USP40: variants seen among roughly 807,000 people sequenced by gnomAD.
USP40 encodes the protein ubiquitin carboxyl-terminal hydrolase 40.
In USP40, 143 loss-of-function variants were observed where a neutral mutation model predicts 166.2. The observed-to-expected ratio is 0.86, with a 90% CI of 0.75 to 0.99. USP40 has a LOEUF of 0.99. USP40 is among the 50% of genes least tolerant of loss of function. USP40 has a pLI of 0.00. For missense variants in USP40, 1,444 were observed against 1,479.7 expected, an observed-to-expected ratio of 0.98 and a Z score of 0.40; for synonymous variants, 498 against 524.0, an observed-to-expected ratio of 0.95 and a Z score of 0.68.
intron 21 of USP40, among the ~76,000 whole-genome samples, chr2:233,506,832 G>C (rs1367327155): frequency 6.6e-6 from 1 of 151,424 alleles, no homozygotes; most frequent in Non-Finnish European, 1.5e-5. Context: ...GATCACTTGA[G>C]CCCTGGGGGT....
Position 233,542,256 on chromosome 2 carries a change from C to T in USP40, c.1062+12G>A, listed in dbSNP as rs149535795. ...TACCATACATACAAATACATACACA[C>T]ACATACTATACCTCTAATAAGATTG... On this transcript the variant is annotated intron_variant, in intron 9 of 31. Coordinates refer to ENST00000678225, the MANE Select transcript of USP40 (RefSeq NM_001365479.2). 2.1e-4 allele frequency: 309 copies of T among 1,455,948 alleles called. No individual in the cohort carries two copies. In the African/African-American group the frequency reaches 3.8e-3, roughly 18 times the overall value. 90.2% of individuals were successfully genotyped at this position (1,455,948 alleles called of 1,614,324 possible).
rs1214802210 is a variant in USP40, at chr2:233,480,483, C to T, written c.3599+720G>A. The stretch of plus-strand genomic sequence containing the variant: ...GCTGAGCAGTGCGAACTGAGCCTCA[C>T]GCCCCAGTTCCGGGTGTGTGGCCTG... On this transcript the variant is annotated intron_variant, in intron 31 of 31. Coordinates refer to ENST00000678225, the MANE Select transcript of USP40 (RefSeq NM_001365479.2). The surrounding 1 kb of genome is among the most constrained non-coding windows in gnomAD (Gnocchi z 4.5). Among the ~76,000 whole-genome samples the T allele has an allele frequency of 2.6e-5, 4 of 152,320 alleles. No homozygotes were observed. The highest frequency in any genetic ancestry group is 7.2e-5 in the African/African-American group (3 of 41,582).
Position 233,489,408 on chromosome 2 carries a change from T to C in USP40, c.3088A>G (p.Lys1030Glu). ...GTTCGTAAAAGCCTGCCTGGGCGCT[T>C]CCTCTCCACCGTCCAGGCTCTGAGG... Reference protein sequence around the residue: ...AHLRAWTVERKRPGRLLRTDR... With the variant: ...AHLRAWTVERERPGRLLRTDR... Residue 1030 changes from lysine (K) to glutamate (E), a missense_variant, in exon 27 of 32, where the codon AAG becomes GAG. Coordinates refer to ENST00000678225, the MANE Select transcript of USP40 (RefSeq NM_001365479.2). 1 of 1,604,122 alleles carries C rather than the reference T, an allele frequency of 6.2e-7. No individual in the cohort carries two copies. The highest frequency in any genetic ancestry group is 8.5e-7 in the Non-Finnish European group (1 of 1,175,586).
intron 24 of USP40, 27 bp downstream of exon 24, chr2:233,496,731 G>C (rs1157523540): frequency 6.3e-7 from 1 of 1,577,164 alleles, no homozygotes; most frequent in South Asian, 1.1e-5. Context: ...TTACTTAAGA[G>C]TTGTCTATTC....
chr2:233,511,126 C>G (rs2066803531), intron 20 of USP40, among the ~76,000 whole-genome samples: 2 of 152,164 alleles, frequency 1.3e-5, no homozygotes, highest in Non-Finnish European at 2.9e-5. Flanking sequence ...CTTATGATTT[C>G]TGCACTGTAA....
At position 233,477,282 on chromosome 2, in the gene USP40, A is replaced by T; in HGVS notation, c.*110T>A. On this transcript the variant is annotated 3_prime_UTR_variant, in exon 32 of 32. Coordinates refer to ENST00000678225, the MANE Select transcript of USP40 (RefSeq NM_001365479.2). ...AGCCGTCCCTGTGCTCAAAGGAAGCAGAGGATTTGGGATTGGAGGCGCCAG... is the reference window on the plus strand; with the variant it reads ...AGCCGTCCCTGTGCTCAAAGGAAGCTGAGGATTTGGGATTGGAGGCGCCAG... 1 of 971,842 alleles carries T rather than the reference A, an allele frequency of 1.0e-6. No homozygotes were observed. Among genetic ancestry groups the T allele is most frequent in the Non-Finnish European group, 1.6e-6 (1 of 633,496 alleles). The allele number at this position is 971,842 out of a possible 1,614,324, so 60.2% of individuals were successfully genotyped here. A position where few individuals can be genotyped will look rare whatever the true frequency, so the allele number is the denominator to read the frequency against.
chr2:233,483,975 T>C (rs2064786536), intron 30 of USP40, among the ~76,000 whole-genome samples: 1 of 152,216 alleles, frequency 6.6e-6, no homozygotes, highest in Admixed American at 6.5e-5. Flanking sequence ...TGTGATTCTG[T>C]TTCTGGGCTT....
intron 21 of USP40, among the ~76,000 whole-genome samples, chr2:233,503,716 A>G (rs1230494616): frequency 6.6e-6 from 1 of 152,206 alleles, no homozygotes; most frequent in East Asian, 1.9e-4. Flanking sequence ...TCAGATAAGC[A>G]AAAAGCTAAA....
Position 233,524,454 on chromosome 2 carries a change from A to C in USP40, c.1881+38T>G. 1.9e-6 allele frequency: 3 copies of C among 1,579,288 alleles called. No homozygotes were observed. In the South Asian group the frequency reaches 3.5e-5, roughly 18 times the overall value. On this transcript the variant is annotated intron_variant, in intron 15 of 31. Transcript: ENST00000678225. ...CATTACGATGACTTTTAAAACATCC[A>C]AAATTATCACGAATATTTCTTCAGT...
rs572063854 is a variant in USP40 at position 233,485,590 on chromosome 2, G to GT, written c.3444dup (p.Gln1149ThrfsTer20). ...TACGGTGCCCCTTGCAAATAATCTT[G>GT]TTTTTTTTTCTTTTTCCTCTTGGTT... is the stretch of plus-strand genomic sequence containing the variant. On this transcript the variant is annotated frameshift_variant, in exon 30 of 32. Coordinates refer to ENST00000678225, the MANE Select transcript of USP40 (RefSeq NM_001365479.2). LOFTEE classifies it high-confidence loss of function. 5.6e-4 allele frequency: 880 copies of GT among 1,579,974 alleles called. No individual in the cohort carries two copies. Among genetic ancestry groups the GT allele is most frequent in the Non-Finnish European group, 6.6e-4 (758 of 1,154,094 alleles).
chr2:233,547,461 T>C (rs2070074569), intron 8 of USP40, among the ~76,000 whole-genome samples: 1 of 152,206 alleles, frequency 6.6e-6, no homozygotes, highest in African/African-American at 2.4e-5. Context: ...GGACTGTGCA[T>C]CTTGGATACT....
chr2:233,533,340 A>T, intron 11 of USP40, 139 bp downstream of exon 11: 1 of 827,298 alleles, frequency 1.2e-6, no homozygotes, highest in Non-Finnish European at 1.8e-6. Flanking sequence ...GGCATAATAT[A>T]GTTCTTGTTA....
chr2:233,506,908 TA>T (rs538599395), intron 21 of USP40, among the ~76,000 whole-genome samples: 2,553 of 148,548 alleles, frequency 0.017, 75 homozygotes, highest in African/African-American at 0.059. Context: ...AAGACTGTCT[TA>T]AAAAAAAAAT....
chr2:233,483,095 C>A (rs947030923), intron 30 of USP40, among the ~76,000 whole-genome samples: 3 of 152,206 alleles, frequency 2.0e-5, no homozygotes, highest in African/African-American at 7.2e-5. Flanking sequence ...TTTGTGACTT[C>A]CCTTTTCACT....
At chr2:233,527,676 C>T (rs2068135612) in intron 12 of USP40, 98 bp from the exon 13 acceptor site, 2 of 1,124,484 alleles carry the variant, frequency 1.8e-6, no homozygotes, top group African/African-American at 3.2e-5. Flanking sequence ...TAAAGTTCTC[C>T]ATCCCACCAA....
chr2:233,516,550 T>C (rs61158161), intron 18 of USP40, among the ~76,000 whole-genome samples: 2,767 of 152,078 alleles, frequency 0.018, 80 homozygotes, highest in African/African-American at 0.063. Context: ...TAGCCGGGCC[T>C]GGTGGCGGGC....
rs1281558051 is a variant in USP40 at position 233,477,241 on chromosome 2, G to A, written c.*151C>T. 4 of 736,816 alleles carry A rather than the reference G, an allele frequency of 5.4e-6. No individual in the cohort carries two copies. The highest frequency in any genetic ancestry group is 9.4e-6 in the Non-Finnish European group (4 of 427,148). 45.6% of individuals were successfully genotyped at this position (736,816 alleles called of 1,614,324 possible). On this transcript the variant is annotated 3_prime_UTR_variant, in exon 32 of 32. Coordinates refer to ENST00000678225, the MANE Select transcript of USP40 (RefSeq NM_001365479.2). The stretch of plus-strand genomic sequence containing the variant: ...GCAGAGCTAAGTGACTACATGCACT[G>A]GCCAGGCCTCAGAGGAGCCGTCCCT...
intron 21 of USP40, among the ~76,000 whole-genome samples, chr2:233,501,945 T>C (rs1006752065): frequency 2.6e-5 from 4 of 152,114 alleles, no homozygotes; most frequent in African/African-American, 7.2e-5. Context: ...GGTAGGCCAG[T>C]GGGATATAAG....
chr2:233,524,606 AAAC>A, intron 14 of USP40, 44 bp from the exon 15 acceptor site: 1 of 1,446,446 alleles, frequency 6.9e-7, no homozygotes. Flanking sequence ...TGACCATCAG[AAAC>A]AACTGAGCTA....
Sources: gnomAD v4.1 joint callset for allele counts (sites outside exome capture counted in the v4.1 genomes callset) on GRCh38, gnomAD v4.1.1 for gene constraint, Gnocchi (gnomAD v3.1) non-coding constraint, MANE v1.5 for transcripts, NCBI Gene and HGNC (gene_info 2026-07-23, HGNC 2026-07-21) for gene names.